The following ASH1L variants were observed in gnomAD, a reference collection of about 807,000 sequenced individuals.
ASH1L encodes histone-lysine N-methyltransferase ASH1L.
A neutral mutation model predicts 269.0 loss-of-function variants in ASH1L; 23 were observed. The observed-to-expected ratio is 0.09, with a 90% CI of 0.06 to 0.12. ASH1L has a LOEUF of 0.12. Among genes scored for constraint, ASH1L ranks in the 10% least tolerant of loss-of-function variants. The probability of loss-of-function intolerance (pLI) is 1.00; values close to 1 mark genes in which losing one functional copy is unlikely to be tolerated. For synonymous variants in ASH1L, 1,187 were observed against 1,253.5 expected (o/e 0.95, Z 1.12); for missense variants, 2,912 against 3,567.8 (o/e 0.82, Z 4.68).
intron 2 of ASH1L, among the ~76,000 whole-genome samples, chr1:155,508,047 C>T (rs1667927893): frequency 6.6e-6 from 1 of 150,780 alleles, no homozygotes; most frequent in Non-Finnish European, 1.5e-5. Context: ...ACTACAATCA[C>T]GTATTATGTA....
rs1258831336 is a variant in ASH1L, at chr1:155,358,433, T to TC, written c.6796-685dup. Among the ~76,000 whole-genome samples, 22 of 151,978 alleles carry TC rather than the reference T, an allele frequency of 1.4e-4. No individual in the cohort carries two copies. The South Asian group carries it at 1.7e-3, about 11-fold the overall frequency. ...CAGGCATGGTGGCTCATGCCTGTAA[T>TC]CCAGCACTTTGGGAGGCCAAGGCGG... On this transcript the variant is annotated intron_variant, in intron 13 of 27. Transcript: ENST00000392403.
chr1:155,379,450 T>C (rs1191507649), intron 8 of ASH1L, among the ~76,000 whole-genome samples: 1 of 152,148 alleles, frequency 6.6e-6, no homozygotes, highest in Non-Finnish European at 1.5e-5. Flanking sequence ...TATTTCCCAA[T>C]GGTTGTTCTC....
At chr1:155,505,634 A>G (rs1376560048) in intron 2 of ASH1L, among the ~76,000 whole-genome samples, 1 of 152,218 alleles carries the variant, frequency 6.6e-6, no homozygotes, top group Non-Finnish European at 1.5e-5. Flanking sequence ...AAAATTATTA[A>G]TAATGGTTTC....
chr1:155,562,354 G>C lies in ASH1L; in HGVS notation c.-301C>G, dbSNP rs770324235. 6.5e-7 allele frequency: 1 copy of C among 1,533,294 alleles called. No individual in the cohort carries two copies. Among genetic ancestry groups the C allele is most frequent in the Non-Finnish European group, 8.9e-7 (1 of 1,123,630 alleles). The allele number at this position is 1,533,294 out of a possible 1,614,324, so 95.0% of individuals were successfully genotyped here. Reference sequence around the variant, plus strand: ...TGGAAGGCTAAAGGGGGCAAACTGAGGGGAGGCGGGTCCCGCAACCGAGAC... The same window carrying C: ...TGGAAGGCTAAAGGGGGCAAACTGACGGGAGGCGGGTCCCGCAACCGAGAC... On this transcript the variant is annotated 5_prime_UTR_variant, in exon 1 of 28. Transcript: ENST00000392403.
rs2148730555 is a variant in ASH1L, at chr1:155,481,485, C to T, written c.1385G>A (p.Ser462Asn). Residue 462 changes from serine to asparagine, a missense_variant, in exon 3 of 28, where the codon AGC (serine) becomes AAC (asparagine). Ser to Asn is a conservative substitution (Grantham distance 46). Coordinates refer to ENST00000392403, the MANE Select transcript of ASH1L (RefSeq NM_018489.3). ...LSESLKDSAT[S>N]KTFEKNVVRQ... The stretch of plus-strand genomic sequence containing the variant: ...TACAACATTCTTTTCAAAAGTTTTG[C>T]TGGTGGCACTATCTTTCAGGGATTC... The T allele has an allele frequency of 6.2e-7, 1 of 1,614,064 alleles. No individual in the cohort carries two copies. Among genetic ancestry groups the T allele is most frequent in the Non-Finnish European group, 8.5e-7 (1 of 1,179,982 alleles).
intron 5 of ASH1L, among the ~76,000 whole-genome samples, chr1:155,423,215 T>C (rs941740332): frequency 8.7e-5 from 13 of 149,490 alleles, no homozygotes; most frequent in African/African-American, 3.2e-4. Context: ...TCCCAAAGTG[T>C]TGGGATTACA....
At chr1:155,391,479 AAAAT>A (rs1657923112) in intron 7 of ASH1L, among the ~76,000 whole-genome samples, 1 of 152,192 alleles carries the variant, frequency 6.6e-6, no homozygotes, top group Admixed American at 6.6e-5. Context: ...CAATGACTTT[AAAAT>A]CCTTGTCTGC....
chr1:155,409,903 G>A (rs1659626382), intron 6 of ASH1L, among the ~76,000 whole-genome samples: 1 of 151,588 alleles, frequency 6.6e-6, no homozygotes, highest in Admixed American at 6.6e-5. Flanking sequence ...TGGTGGCTCA[G>A]ACCTGTAATC....
Position 155,562,617 on chromosome 1 carries a change from T to C in ASH1L, c.-564A>G, listed in dbSNP as rs1672103627. 3.9e-6 allele frequency: 6 copies of C among 1,526,840 alleles called. No homozygotes were observed. The highest frequency in any genetic ancestry group is 5.3e-6 in the Non-Finnish European group (6 of 1,141,136). 94.6% of individuals were successfully genotyped at this position (1,526,840 alleles called of 1,614,324 possible). A position where few individuals can be genotyped will look rare whatever the true frequency, so the allele number is the denominator to read the frequency against. On this transcript the variant is annotated 5_prime_UTR_variant, in exon 1 of 28. Transcript: ENST00000392403. ...GCACGCCCGCCCGCACGCGTACGAG[T>C]GTCTACGGGCTCGTCGCTGGCTGCT...
chr1:155,371,701 T>C (rs1467644693), intron 10 of ASH1L, among the ~76,000 whole-genome samples: 1 of 151,302 alleles, frequency 6.6e-6, no homozygotes, highest in East Asian at 1.9e-4. Context: ...TTACTTTTTT[T>C]TTTTTTTTTT....
At chr1:155,526,944 G>GC (rs1553274283) in intron 1 of ASH1L, among the ~76,000 whole-genome samples, 2 of 152,170 alleles carry the variant, frequency 1.3e-5, no homozygotes, top group Non-Finnish European at 1.5e-5. Context: ...GATGGCTCAC[G>GC]CCTGTAATCC....
At chr1:155,508,066 A>G (rs1667928846) in intron 2 of ASH1L, among the ~76,000 whole-genome samples, 2 of 152,210 alleles carry the variant, frequency 1.3e-5, no homozygotes, top group South Asian at 4.1e-4. Flanking sequence ...TAACTCCAAA[A>G]ACGGAATTTT....
intron 21 of ASH1L, chr1:155,344,499 T>C (rs1474125159): frequency 2.3e-6 from 1 of 429,580 alleles, no homozygotes; most frequent in Non-Finnish European, 4.2e-6. Context: ...GAAGCACTAA[T>C]TGTGTAGTTG....
intron 1 of ASH1L, among the ~76,000 whole-genome samples, chr1:155,544,737 AAAAAGGATTAATATATCT>A (rs2148896209): frequency 6.6e-6 from 1 of 152,286 alleles, no homozygotes; most frequent in African/African-American, 2.4e-5. Flanking sequence ...TATAAACATG[AAAAAGGATTAATATATCT>A]TAATATAAAA....
rs150283141 is a variant in ASH1L at position 155,496,778 on chromosome 1, A to C, written c.421-14329T>G. Among the ~76,000 whole-genome samples the C allele has an allele frequency of 2.8e-3, 416 of 150,742 alleles. 1 individual carries two copies. The highest frequency in any genetic ancestry group is 5.0e-3 in the Non-Finnish European group (338 of 67,786). On this transcript the variant is annotated intron_variant, in intron 2 of 27. Coordinates refer to ENST00000392403, the MANE Select transcript of ASH1L (RefSeq NM_018489.3). Reference sequence around the variant, plus strand: ...CTCAGCCTCCTGAGTAGCTGGGATCACAAGCATGTGCAATCACGCTTGGCT... The same window carrying C: ...CTCAGCCTCCTGAGTAGCTGGGATCCCAAGCATGTGCAATCACGCTTGGCT...
At chr1:155,498,558 C>T (rs988985708) in intron 2 of ASH1L, among the ~76,000 whole-genome samples, 4 of 152,104 alleles carry the variant, frequency 2.6e-5, no homozygotes, top group Non-Finnish European at 5.9e-5. Context: ...TCTCCTCCCT[C>T]AGCCTTCCAA....
chr1:155,494,383 T>C (rs560098391), intron 2 of ASH1L, among the ~76,000 whole-genome samples: 1 of 152,330 alleles, frequency 6.6e-6, no homozygotes, highest in East Asian at 1.9e-4. Context: ...CATTCGAAGA[T>C]TTTATGAAGA....
At chr1:155,468,469 A>AT (rs1664857717) in intron 3 of ASH1L, among the ~76,000 whole-genome samples, 1 of 152,064 alleles carries the variant, frequency 6.6e-6, no homozygotes, top group South Asian at 2.1e-4. Context: ...TACATATATT[A>AT]TTTGGAATTT....
intron 5 of ASH1L, chr1:155,419,336 A>AGG (rs1481513686): frequency 6.6e-6 from 1 of 152,046 alleles, no homozygotes; most frequent in African/African-American, 2.4e-5. Context: ...GGAGAGGCAA[A>AGG]GGGGAAGCTT....
Sources: gnomAD v4.1 joint callset for allele counts (sites outside exome capture counted in the v4.1 genomes callset) on GRCh38, gnomAD v4.1.1 for gene constraint, MANE v1.5 for transcripts, NCBI Gene and HGNC (gene_info 2026-07-23, HGNC 2026-07-21) for gene names.